Variants in BRWD3 observed in about 807,000 individuals in gnomAD.
The protein encoded by BRWD3 is bromodomain and WD repeat-containing protein 3.
BRWD3 carries 10 observed loss-of-function variants against 149.7 expected under a neutral mutation model. The ratio of observed to expected loss-of-function variants is 0.07; its 90% CI spans 0.04 to 0.11. BRWD3 has a LOEUF of 0.11. Among genes scored for constraint, BRWD3 ranks in the 10% least tolerant of loss-of-function variants. The pLI, the probability that BRWD3 is intolerant of heterozygous loss-of-function variation, is 1.00. For synonymous variants in BRWD3, 504 were observed against 456.7 expected (o/e 1.10, Z -1.32); for missense variants, 940 against 1,373.2 (o/e 0.68, Z 4.99).
intron 34 of BRWD3, 138 bp downstream of exon 34, chrX:80,687,931 T>C (rs1025914840): frequency 5.8e-6 from 3 of 519,699 alleles, no homozygotes; most frequent in Non-Finnish European, 1.0e-5. Flanking sequence ...CTCTAATAAA[T>C]ATTATCAATG....
At chrX:80,718,315 T>C (rs1011114164) in intron 18 of BRWD3, among the ~76,000 whole-genome samples, 2 of 112,308 alleles carry the variant, frequency 1.8e-5, no homozygotes, top group Admixed American at 9.5e-5. Flanking sequence ...ATTTTTCTTA[T>C]ATTTACAAAT....
At chrX:80,686,621 C>T (rs755858855) in intron 35 of BRWD3, among the ~76,000 whole-genome samples, 2 of 110,232 alleles carry the variant, frequency 1.8e-5, no homozygotes, top group African/African-American at 3.3e-5. Context: ...AAATAAAAGT[C>T]GGAAAGAACA....
At chrX:80,787,426 G>C (rs1287825390) in intron 6 of BRWD3, among the ~76,000 whole-genome samples, 2 of 111,220 alleles carry the variant, frequency 1.8e-5, no homozygotes, top group Admixed American at 9.6e-5. Context: ...TTGAAAATGA[G>C]AGCAAAGTTG....
At chrX:80,776,368 G>A (rs763036239) in intron 6 of BRWD3, among the ~76,000 whole-genome samples, 197 of 112,033 alleles carry the variant, frequency 1.8e-3, no homozygotes, top group African/African-American at 6.1e-3. Flanking sequence ...ACTTCAAACC[G>A]ATGTCAGAAA....
intron 6 of BRWD3, among the ~76,000 whole-genome samples, chrX:80,757,109 T>C (rs951460819): frequency 2.7e-5 from 3 of 112,009 alleles, no homozygotes; most frequent in Non-Finnish European, 1.9e-5. Context: ...AACTTCAAAA[T>C]CTATACTTCA....
At chrX:80,701,088 T>G (rs781064952) in intron 24 of BRWD3, among the ~76,000 whole-genome samples, 2 of 111,171 alleles carry the variant, frequency 1.8e-5, no homozygotes, top group Non-Finnish European at 3.8e-5. Flanking sequence ...CTAAATGGAG[T>G]AATTTCAAGA....
At chrX:80,779,250 G>A (rs776364298) in intron 6 of BRWD3, among the ~76,000 whole-genome samples, 3 of 111,306 alleles carry the variant, frequency 2.7e-5, no homozygotes, top group Non-Finnish European at 3.8e-5. Context: ...AGGAGGTGAA[G>A]GTTGCAGTGA....
chrX:80,680,803 CTTTTA>C (rs1479681158), intron 40 of BRWD3, among the ~76,000 whole-genome samples: 9 of 109,225 alleles, frequency 8.2e-5, no homozygotes, highest in Admixed American at 2.9e-4. Context: ...CTCCCAATTC[CTTTTA>C]TTTTATTTAT....
intron 6 of BRWD3, among the ~76,000 whole-genome samples, chrX:80,763,547 A>G (rs1265802793): frequency 1.8e-5 from 2 of 112,168 alleles, no homozygotes; most frequent in African/African-American, 6.5e-5. Context: ...ATCACAAGAA[A>G]CAAGAGCAAT....
chrX:80,717,417 T>A (rs989630228), intron 19 of BRWD3, 156 bp downstream of exon 19: 4 of 503,450 alleles, frequency 7.9e-6, no homozygotes, highest in Non-Finnish European at 9.9e-6. Context: ...CATTATTTGT[T>A]ACGAAGTGAA....
At chrX:80,690,910 A>G (rs1396866937) in intron 31 of BRWD3, 143 bp downstream of exon 31, 3 of 684,244 alleles carry the variant, frequency 4.4e-6, no homozygotes, top group Non-Finnish European at 6.5e-6. Context: ...ATAAAGGGAA[A>G]TTAATGTTCT....
intron 6 of BRWD3, among the ~76,000 whole-genome samples, chrX:80,778,881 C>A (rs1353596334): frequency 9.0e-6 from 1 of 111,353 alleles, no homozygotes; most frequent in African/African-American, 3.3e-5. Context: ...CACCTGTAAT[C>A]CCAGCTACTT....
intron 6 of BRWD3, among the ~76,000 whole-genome samples, chrX:80,767,928 C>T (rs780039910): frequency 6.3e-5 from 7 of 111,580 alleles, no homozygotes; most frequent in South Asian, 3.8e-4. Flanking sequence ...AACTACGTGA[C>T]GCATGCAGAA....
At chrX:80,768,230 C>T (rs1232294574) in intron 6 of BRWD3, among the ~76,000 whole-genome samples, 1 of 110,616 alleles carries the variant, frequency 9.0e-6, no homozygotes, top group African/African-American at 3.3e-5. Context: ...ATAGAGAGAC[C>T]ACCACAAAGA....
chrX:80,788,551 A>G (rs1031457479), intron 6 of BRWD3, among the ~76,000 whole-genome samples: 7 of 111,784 alleles, frequency 6.3e-5, no homozygotes, highest in Non-Finnish European at 1.3e-4. Flanking sequence ...AACATATAAT[A>G]GCTACTTTCA....
chrX:80,682,156 A>G, intron 38 of BRWD3, 62 bp from the exon 39 acceptor site: 1 of 946,941 alleles, frequency 1.1e-6, no homozygotes, highest in Non-Finnish European at 1.5e-6. Flanking sequence ...ATATTATGAT[A>G]GACAGTATGA....
intron 6 of BRWD3, among the ~76,000 whole-genome samples, chrX:80,766,998 C>G (rs2073867447): frequency 8.9e-6 from 1 of 112,609 alleles, no homozygotes; most frequent in African/African-American, 3.2e-5. Context: ...CCCACCAAGC[C>G]TTGCTTACTG....
chrX:80,751,981 CATTATTATTATTATT>C lies in BRWD3; in HGVS notation c.431-6267_431-6253del, dbSNP rs199879142. The stretch of plus-strand genomic sequence containing the variant: ...TTATTTTTTCAATTTATTCATATTT[CATTATTATTATTATT>C]ATTATTATTATTATTATTATTATTA... On this transcript the variant is annotated intron_variant, in intron 6 of 40. Transcript: ENST00000373275. 7.7e-3 allele frequency among the ~76,000 whole-genome samples: 673 copies of C among 87,736 alleles called. 5 individuals carry two copies. The highest frequency in any genetic ancestry group is 0.025 in the African/African-American group (601 of 23,958). 76.2% of individuals were successfully genotyped at this position (87,736 alleles called of 115,157 possible). A position where few individuals can be genotyped will look rare whatever the true frequency, so the allele number is the denominator to read the frequency against.
intron 6 of BRWD3, among the ~76,000 whole-genome samples, chrX:80,754,126 A>G (rs1354237461): frequency 1.8e-5 from 2 of 112,070 alleles, no homozygotes; most frequent in Non-Finnish European, 3.8e-5. Context: ...CATTTTAACA[A>G]TATTGTTTTT....
Sources: gnomAD v4.1 joint callset for allele counts (sites outside exome capture counted in the v4.1 genomes callset) on GRCh38, gnomAD v4.1.1 for gene constraint, MANE v1.5 for transcripts, NCBI Gene and HGNC (gene_info 2026-07-23, HGNC 2026-07-21) for gene names.